SH3BGR: variants seen among roughly 807,000 people sequenced by gnomAD.
The protein encoded by SH3BGR is SH3 domain-binding glutamic acid-rich protein.
In SH3BGR, 29 loss-of-function variants were observed where a neutral mutation model predicts 24.5. That is an observed-to-expected ratio of 1.18 (90% CI 0.88 to 1.61). The LOEUF (loss-of-function observed/expected upper bound fraction) is 1.61, where lower values mean the gene tolerates loss of function less well. SH3BGR is among the 40% of genes most tolerant of loss of function. The pLI, the probability that SH3BGR is intolerant of heterozygous loss-of-function variation, is 0.00. For missense variants in SH3BGR, 162 were observed against 205.8 expected (o/e 0.79, Z 1.30); for synonymous variants, 55 against 65.7 (o/e 0.84, Z 0.79).
At chr21:39,449,953 A>T (rs1461999130), upstream of SH3BGR, among the ~76,000 whole-genome samples, 4 of 152,174 alleles carry the variant, frequency 2.6e-5, no homozygotes, top group Admixed American at 6.5e-5. Flanking sequence ...GGGTTTGCAG[A>T]TGGAGGAGGT....
At chr21:39,496,488 C>T (rs1257540420) in intron 3 of SH3BGR, among the ~76,000 whole-genome samples, 1 of 120,942 alleles carries the variant, frequency 8.3e-6, no homozygotes, top group Non-Finnish European at 1.6e-5. Context: ...GCCTGGGCGA[C>T]AGAGCGAGAC....
At chr21:39,477,625 C>T (rs16997693) in intron 3 of SH3BGR, among the ~76,000 whole-genome samples, 5,398 of 152,256 alleles carry the variant, frequency 0.035, 115 homozygotes, top group Middle Eastern at 0.071. Flanking sequence ...TTGAACGTGC[C>T]TCCAGATTAC....
At chr21:39,497,054 A>T (rs1204519077) in intron 3 of SH3BGR, among the ~76,000 whole-genome samples, 1 of 151,906 alleles carries the variant, frequency 6.6e-6, no homozygotes, top group Non-Finnish European at 1.5e-5. Flanking sequence ...CTTTCCAAAT[A>T]TTAAAATATG....
chr21:39,446,453 A>G (rs2837035), intron 1 of SH3BGR, among the ~76,000 whole-genome samples: 23,658 of 152,132 alleles, frequency 0.16, 2,059 homozygotes, highest in Non-Finnish European at 0.17. Flanking sequence ...ATAAATTCCT[A>G]CAAGCGAGGT....
chr21:39,499,695 T>C, intron 3 of SH3BGR, 128 bp from the exon 4 acceptor site: 1 of 618,964 alleles, frequency 1.6e-6, no homozygotes, highest in South Asian at 2.1e-5. Context: ...ACCTAATGAG[T>C]GGGCAGTCTA....
At position 39,500,823 on chromosome 21, in the gene SH3BGR, C is replaced by T. The variant is rs144389625; in HGVS notation, c.405+908C>T. Among the ~76,000 whole-genome samples, 4 of 152,202 alleles carry T rather than the reference C, an allele frequency of 2.6e-5. No individual in the cohort carries two copies. In the East Asian group the frequency reaches 5.8e-4, roughly 22 times the overall value. ...AGAAAGGGGCTGAGACCCACACCCA[C>T]GCTATGGAAAAAGGGGTGTGGGGCT... On this transcript the variant is annotated intron_variant, in intron 4 of 6. Transcript: ENST00000333634.
At chr21:39,498,675 CCACAGAGGTAA>C (rs2078438411) in intron 3 of SH3BGR, among the ~76,000 whole-genome samples, 1 of 152,202 alleles carries the variant, frequency 6.6e-6, no homozygotes, top group African/African-American at 2.4e-5. Flanking sequence ...GCACTGAGCA[CCACAGAGGTAA>C]ACACTGGTGT....
upstream of SH3BGR, among the ~76,000 whole-genome samples, chr21:39,450,978 G>GT (rs1244298001): frequency 2.3e-4 from 34 of 150,460 alleles, no homozygotes; most frequent in Admixed American, 6.0e-4. Context: ...ATGCCTGGCT[G>GT]TTTTTTTTTG....
chr21:39,505,702 T>G (rs1168067329), intron 4 of SH3BGR, among the ~76,000 whole-genome samples: 1 of 151,890 alleles, frequency 6.6e-6, no homozygotes, highest in Non-Finnish European at 1.5e-5. Flanking sequence ...GAGGCAGAGG[T>G]TGCAGTGAGC....
At chr21:39,485,583 A>C (rs1023367686) in intron 3 of SH3BGR, among the ~76,000 whole-genome samples, 3 of 152,020 alleles carry the variant, frequency 2.0e-5, no homozygotes, top group African/African-American at 7.3e-5. Flanking sequence ...ATTCCACTGG[A>C]TCTTGTGGAT....
At chr21:39,471,777 A>G (rs13046275) in intron 2 of SH3BGR, among the ~76,000 whole-genome samples, 69,352 of 152,034 alleles carry the variant, frequency 0.46, 18,424 homozygotes, top group East Asian at 0.68. Context: ...GATTTCTTTG[A>G]CTGCATCTTC....
chr21:39,454,775 G>A (rs2077628547), intron 1 of SH3BGR, among the ~76,000 whole-genome samples: 1 of 152,216 alleles, frequency 6.6e-6, no homozygotes. Flanking sequence ...ATTTATTGGA[G>A]CCTCAGCATT....
At chr21:39,492,176 A>G (rs1353775035) in intron 3 of SH3BGR, among the ~76,000 whole-genome samples, 1 of 152,034 alleles carries the variant, frequency 6.6e-6, no homozygotes, top group Non-Finnish European at 1.5e-5. Context: ...TGGTGCACCC[A>G]TCACCCAAGC....
chr21:39,478,719 T>A (rs2078068160), intron 3 of SH3BGR, among the ~76,000 whole-genome samples: 1 of 152,116 alleles, frequency 6.6e-6, no homozygotes, highest in African/African-American at 2.4e-5. Context: ...ATTTTCCATA[T>A]TTTTGTATTT....
At chr21:39,476,622 A>G (rs1209579565) in intron 3 of SH3BGR, among the ~76,000 whole-genome samples, 2 of 151,926 alleles carry the variant, frequency 1.3e-5, no homozygotes, top group South Asian at 4.2e-4. Context: ...TCTCCTCCCT[A>G]TGTTCTGGAA....
intron 1 of SH3BGR, among the ~76,000 whole-genome samples, chr21:39,453,791 A>G (rs993543886): frequency 3.3e-5 from 5 of 152,368 alleles, no homozygotes; most frequent in Admixed American, 6.5e-5. Flanking sequence ...AATAGTGCCT[A>G]CATCATAGTG....
chr21:39,512,981 G>T (rs2078722975), intron 6 of SH3BGR, among the ~76,000 whole-genome samples: 1 of 152,064 alleles, frequency 6.6e-6, no homozygotes, highest in Non-Finnish European at 1.5e-5. Context: ...TCATGGTTTT[G>T]CTCTGGAGCT....
intron 1 of SH3BGR, among the ~76,000 whole-genome samples, chr21:39,459,171 C>T (rs2077713554): frequency 2.0e-5 from 3 of 151,562 alleles, no homozygotes; most frequent in African/African-American, 7.3e-5. Context: ...CTTTCTTTCT[C>T]CTCCTTCCCT....
Position 39,493,824 on chromosome 21 carries a change from T to C in SH3BGR, c.313-5999T>C, listed in dbSNP as rs576928330. 5.4e-4 allele frequency among the ~76,000 whole-genome samples: 82 copies of C among 152,344 alleles called. 1 individual carries two copies. Among genetic ancestry groups the C allele is most frequent in the Non-Finnish European group, 9.7e-4 (66 of 68,030 alleles). ...TTTGTAATTTTCCTTGTAGAGGTCT[T>C]TCACCTCCTTGGTTAGGTATATTCC... On this transcript the variant is annotated intron_variant, in intron 3 of 6. Transcript: ENST00000333634.
Sources: gnomAD v4.1 joint callset for allele counts (sites outside exome capture counted in the v4.1 genomes callset) on GRCh38, gnomAD v4.1.1 for gene constraint, MANE v1.5 for transcripts, NCBI Gene and HGNC (gene_info 2026-07-23, HGNC 2026-07-21) for gene names.